The following FOXK1 variants were observed in gnomAD, a reference collection of about 807,000 sequenced individuals.
FOXK1 encodes forkhead box K1.
Under a neutral mutation model 51.9 loss-of-function variants are expected in FOXK1, and 19 were observed. That is an observed-to-expected ratio of 0.37 (90% CI 0.26 to 0.54). FOXK1 has a LOEUF of 0.54. Among genes scored for constraint, FOXK1 ranks in the 20% least tolerant of loss-of-function variants. The pLI, the probability that FOXK1 is intolerant of heterozygous loss-of-function variation, is 0.87. For missense variants in FOXK1, 870 were observed against 1,032.7 expected, an observed-to-expected ratio of 0.84 and a Z score of 2.16; for synonymous variants, 537 against 482.6, an observed-to-expected ratio of 1.11 and a Z score of -1.48.
chr7:4,749,438 C>A lies in FOXK1; in HGVS notation c.747-5021C>A, dbSNP rs1325820450. 6.6e-6 allele frequency among the ~76,000 whole-genome samples: 1 copy of A among 152,176 alleles called. No individual in the cohort carries two copies. The highest frequency in any genetic ancestry group is 2.4e-5 in the African/African-American group (1 of 41,450). On this transcript the variant is annotated intron_variant, in intron 2 of 8. Transcript: ENST00000328914. This position sits in a 1 kb window ranked among gnomAD's most constrained non-coding sequence, Gnocchi z 6.0. ...TTGGAGCAGGGGCTGGGGCAGGGACCCCAAGCGTCCTCCTCTGCAGGGAGG... is the reference window on the plus strand; with the variant it reads ...TTGGAGCAGGGGCTGGGGCAGGGACACCAAGCGTCCTCCTCTGCAGGGAGG...
intron 1 of FOXK1, among the ~76,000 whole-genome samples, chr7:4,725,078 C>T (rs1346219678): frequency 6.6e-6 from 1 of 152,260 alleles, no homozygotes; most frequent in African/African-American, 2.4e-5. Context: ...CGCGGTGCAC[C>T]CGCCACCCAC....
chr7:4,745,409 C>T lies in FOXK1; in HGVS notation c.746+4386C>T, dbSNP rs952671402. 7.4e-5 allele frequency among the ~76,000 whole-genome samples: 11 copies of T among 148,944 alleles called. No homozygotes were observed. Among genetic ancestry groups the T allele is most frequent in the African/African-American group, 2.4e-4 (10 of 40,834 alleles). On this transcript the variant is annotated intron_variant, in intron 2 of 8. Transcript: ENST00000328914. This position sits in a 1 kb window ranked among gnomAD's most constrained non-coding sequence, Gnocchi z 4.3. Reference sequence around the variant, plus strand: ...CGCGCCACCCTGCGTCCTTCCTTTCCGTTTCTCGCAGGCCCTCGCTCCTTT... The same window carrying T: ...CGCGCCACCCTGCGTCCTTCCTTTCTGTTTCTCGCAGGCCCTCGCTCCTTT...
intron 1 of FOXK1, among the ~76,000 whole-genome samples, chr7:4,694,609 G>C (rs1160208011): frequency 2.0e-5 from 3 of 152,152 alleles, no homozygotes; most frequent in African/African-American, 7.2e-5. Flanking sequence ...TCTGGGGCTT[G>C]GTCTTTATTT....
chr7:4,762,069 G>A lies in FOXK1; in HGVS notation c.1922-115G>A. 8.0e-7 allele frequency: 1 copy of A among 1,243,018 alleles called. No individual in the cohort carries two copies. Among genetic ancestry groups the A allele is most frequent in the African/African-American group, 1.5e-5 (1 of 66,320 alleles). The allele number at this position is 1,243,018 out of a possible 1,614,324, so 77.0% of individuals were successfully genotyped here. ...CAAGGGTAGCCGTCCTGCCTGGCAG[G>A]GGTGCACTGACCTCCGGTTCCGGCT... On this transcript the variant is annotated intron_variant, in intron 8 of 8. Transcript: ENST00000328914. This position sits in a 1 kb window ranked among gnomAD's most constrained non-coding sequence, Gnocchi z 5.7.
At position 4,723,975 on chromosome 7, in the gene FOXK1, C is replaced by T. The variant is rs1282450118; in HGVS notation, c.561-16863C>T. ...CGTGCACCTCTGTGCTCGGCCCATT[C>T]GATTTTTAAAACCTTAAATGACCCT... On this transcript the variant is annotated intron_variant, in intron 1 of 8. Transcript: ENST00000328914. The surrounding 1 kb of genome is among the most constrained non-coding windows in gnomAD (Gnocchi z 4.7). Among the ~76,000 whole-genome samples the T allele has an allele frequency of 6.7e-6, 1 of 149,462 alleles. No individual in the cohort carries two copies. Among genetic ancestry groups the T allele is most frequent in the Non-Finnish European group, 1.5e-5 (1 of 67,704 alleles).
At chr7:4,737,020 A>C (rs1780560907) in intron 1 of FOXK1, among the ~76,000 whole-genome samples, 1 of 152,336 alleles carries the variant, frequency 6.6e-6, no homozygotes, top group South Asian at 2.1e-4. Flanking sequence ...TTCAGGTGCC[A>C]GTCCAGAGGG....
At position 4,734,480 on chromosome 7, in the gene FOXK1, C is replaced by T. The variant is rs1214254254; in HGVS notation, c.561-6358C>T. Among the ~76,000 whole-genome samples, 56 of 152,208 alleles carry T rather than the reference C, an allele frequency of 3.7e-4. No individual in the cohort carries two copies. The highest frequency in any genetic ancestry group is 7.3e-5 in the Non-Finnish European group (5 of 68,032). ...GTCTGCTTCCTCCTTGCCCCTCAAA[C>T]TCCTTTGCCTCAGTCCCTGTCTTCC... is the stretch of plus-strand genomic sequence containing the variant. On this transcript the variant is annotated intron_variant, in intron 1 of 8. Coordinates refer to ENST00000328914, the MANE Select transcript of FOXK1 (RefSeq NM_001037165.2). The surrounding 1 kb of genome is among the most constrained non-coding windows in gnomAD (Gnocchi z 5.2).
At chr7:4,742,972 C>T (rs1780654462) in intron 2 of FOXK1, among the ~76,000 whole-genome samples, 2 of 152,266 alleles carry the variant, frequency 1.3e-5, no homozygotes, top group South Asian at 2.1e-4. Context: ...AGGAGAGGCC[C>T]CGGGCTCAGG....
intron 1 of FOXK1, among the ~76,000 whole-genome samples, chr7:4,691,888 G>A (rs557824143): frequency 7.6e-4 from 115 of 152,230 alleles, no homozygotes; most frequent in South Asian, 1.2e-3. Context: ...AAAGGGCATG[G>A]TTCTCTTTGG....
Position 4,768,570 on chromosome 7 carries a change from G to A in FOXK1, c.*6106G>A, listed in dbSNP as rs983151762. On this transcript the variant is annotated 3_prime_UTR_variant, in exon 9 of 9. Coordinates refer to ENST00000328914, the MANE Select transcript of FOXK1 (RefSeq NM_001037165.2). The stretch of plus-strand genomic sequence containing the variant: ...AGAGGCTGCAGCCCTCAGCTCTGCT[G>A]CTGGATGGAACATTTCAACCCCCTC... The A allele has an allele frequency of 7.9e-5, 12 of 152,752 alleles. No individual in the cohort carries two copies. The highest frequency in any genetic ancestry group is 2.9e-4 in the African/African-American group (12 of 41,586). The allele number at this position is 152,752 out of a possible 1,614,324, so 9.5% of individuals were successfully genotyped here.
chr7:4,735,773 A>G lies in FOXK1; in HGVS notation c.561-5065A>G, dbSNP rs892945082. 6.6e-5 allele frequency among the ~76,000 whole-genome samples: 10 copies of G among 152,142 alleles called. No homozygotes were observed. Among genetic ancestry groups the G allele is most frequent in the South Asian group, 2.1e-4 (1 of 4,812 alleles). On this transcript the variant is annotated intron_variant, in intron 1 of 8. Coordinates refer to ENST00000328914, the MANE Select transcript of FOXK1 (RefSeq NM_001037165.2). This position sits in a 1 kb window ranked among gnomAD's most constrained non-coding sequence, Gnocchi z 4.7. ...CACGATGCAAAACGTGCTCGTTCAG[A>G]CTCCAGCTAGAGCCCTGCACCTCCA... is the stretch of plus-strand genomic sequence containing the variant.
In FOXK1 at chr7:4,711,435, G is replaced by A. The variant is rs1274398373; in HGVS notation, c.560+28567G>A. On this transcript the variant is annotated intron_variant, in intron 1 of 8. Transcript: ENST00000328914. The surrounding 1 kb of genome is among the most constrained non-coding windows in gnomAD (Gnocchi z 6.3). ...CCTGGAGTGATTCCTGGATGTTGAG[G>A]AGGGAGAGATCTGGAGTTAAGGAAG... Among the ~76,000 whole-genome samples the A allele has an allele frequency of 6.6e-6, 1 of 152,160 alleles. No individual in the cohort carries two copies. Among genetic ancestry groups the A allele is most frequent in the African/African-American group, 2.4e-5 (1 of 41,428 alleles).
At chr7:4,726,036 G>T (rs1230663166) in intron 1 of FOXK1, among the ~76,000 whole-genome samples, 3 of 150,818 alleles carry the variant, frequency 2.0e-5, no homozygotes, top group African/African-American at 7.3e-5. Flanking sequence ...TTTAAGCAGC[G>T]AAGACCTTTT....
At position 4,682,346 on chromosome 7, in the gene FOXK1, T is replaced by C. The variant is rs1779756955; in HGVS notation, c.38T>C (p.Leu13Pro). 1 of 993,536 alleles carries C rather than the reference T, an allele frequency of 1.0e-6. No homozygotes were observed. Among genetic ancestry groups the C allele is most frequent in the Non-Finnish European group, 1.2e-6 (1 of 837,172 alleles). 61.5% of individuals were successfully genotyped at this position (993,536 alleles called of 1,614,324 possible). ...EVGEDSGARALLALRSAPCSP... is the reference protein window; with the variant it reads ...EVGEDSGARAPLALRSAPCSP... ...GGCGAGGACAGCGGCGCCCGCGCCCTGCTCGCGCTGCGCTCGGCGCCCTGC... is the reference window on the plus strand; with the variant it reads ...GGCGAGGACAGCGGCGCCCGCGCCCCGCTCGCGCTGCGCTCGGCGCCCTGC... Residue 13 changes from leucine to proline, a missense_variant, in exon 1 of 9, where the codon CTG (leucine) becomes CCG (proline). By Grantham distance (98) the Leu-to-Pro change is moderately conservative. Coordinates refer to ENST00000328914, the MANE Select transcript of FOXK1 (RefSeq NM_001037165.2). The surrounding 1 kb of genome is among the most constrained non-coding windows in gnomAD (Gnocchi z 7.6).
At position 4,722,590 on chromosome 7, in the gene FOXK1, A is replaced by G. The variant is rs181159335; in HGVS notation, c.561-18248A>G. Among the ~76,000 whole-genome samples, 45 of 152,354 alleles carry G rather than the reference A, an allele frequency of 3.0e-4. No individual in the cohort carries two copies. Among genetic ancestry groups the G allele is most frequent in the Middle Eastern group, 3.4e-3 (1 of 294 alleles). On this transcript the variant is annotated intron_variant, in intron 1 of 8. Coordinates refer to ENST00000328914, the MANE Select transcript of FOXK1 (RefSeq NM_001037165.2). This position sits in a 1 kb window ranked among gnomAD's most constrained non-coding sequence, Gnocchi z 5.1. ...TGCAGCACGGGCACACTCGTATACAACGGGCACACATGCACGTCAGCCGCA... is the reference window on the plus strand; with the variant it reads ...TGCAGCACGGGCACACTCGTATACAGCGGGCACACATGCACGTCAGCCGCA...
At chr7:4,697,442 C>G (rs1017917995) in intron 1 of FOXK1, among the ~76,000 whole-genome samples, 28 of 152,160 alleles carry the variant, frequency 1.8e-4, no homozygotes, top group African/African-American at 6.5e-4. Flanking sequence ...TGGAACACAC[C>G]AGGCACATTT....
chr7:4,721,789 C>G (rs1037346014), intron 1 of FOXK1, among the ~76,000 whole-genome samples: 4 of 151,924 alleles, frequency 2.6e-5, no homozygotes, highest in African/African-American at 9.7e-5. Flanking sequence ...CAGAGTTTCA[C>G]CGTATTGACC....
At position 4,761,263 on chromosome 7, in the gene FOXK1, G is replaced by A. The variant is rs770785559; in HGVS notation, c.1896G>A (p.Thr632=). Residue 632 remains threonine (T), a synonymous_variant, in exon 8 of 9, where the codon ACG becomes ACA. Transcript: ENST00000328914. This position sits in a 1 kb window ranked among gnomAD's most constrained non-coding sequence, Gnocchi z 6.2. ...VTQNGKHAVP[T]NSLAGNAYAL... is the part of the protein sequence containing the mutation. ...AGAACGGAAAGCATGCGGTTCCCAC[G>A]AACAGTTTAGCCGGCAACGCTTACG... 3.3e-5 allele frequency: 53 copies of A among 1,612,648 alleles called. No individual in the cohort carries two copies. The highest frequency in any genetic ancestry group is 4.2e-5 in the Non-Finnish European group (49 of 1,180,024).
At position 4,756,371 on chromosome 7, in the gene FOXK1, T is replaced by C. The variant is rs1780853061; in HGVS notation, c.1051-623T>C. 6.6e-6 allele frequency among the ~76,000 whole-genome samples: 1 copy of C among 151,944 alleles called. No homozygotes were observed. The highest frequency in any genetic ancestry group is 2.4e-5 in the African/African-American group (1 of 41,400). On this transcript the variant is annotated intron_variant, in intron 4 of 8. Coordinates refer to ENST00000328914, the MANE Select transcript of FOXK1 (RefSeq NM_001037165.2). The surrounding 1 kb of genome is among the most constrained non-coding windows in gnomAD (Gnocchi z 4.1). ...CTCAGGTAATCCTGCCAGCCTCGGCTTCCCAAAGTGCTGGGATTACAGGCG... is the reference window on the plus strand; with the variant it reads ...CTCAGGTAATCCTGCCAGCCTCGGCCTCCCAAAGTGCTGGGATTACAGGCG...
Sources: gnomAD v4.1 joint callset for allele counts (sites outside exome capture counted in the v4.1 genomes callset) on GRCh38, gnomAD v4.1.1 for gene constraint, Gnocchi (gnomAD v3.1) non-coding constraint, MANE v1.5 for transcripts, NCBI Gene and HGNC (gene_info 2026-07-23, HGNC 2026-07-21) for gene names.